The following CSMD3 variants were observed in gnomAD, a reference collection of about 807,000 sequenced individuals.
CSMD3 encodes the protein CUB and sushi domain-containing protein 3.
CSMD3 carries 177 observed loss-of-function variants against 435.2 expected under a neutral mutation model. That is an observed-to-expected ratio of 0.41 (90% CI 0.36 to 0.46). CSMD3 has a LOEUF of 0.46. CSMD3 is among the 20% of genes least tolerant of loss of function. The pLI is 0.34. For synonymous variants in CSMD3, 1,656 were observed against 1,520.5 expected, an observed-to-expected ratio of 1.09 and a Z score of -2.07; for missense variants, 4,265 against 4,504.6, an observed-to-expected ratio of 0.95 and a Z score of 1.52.
At chr8:113,208,828 A>G (rs72687643) in intron 3 of CSMD3, among the ~76,000 whole-genome samples, 14,568 of 152,134 alleles carry the variant, frequency 0.096, 906 homozygotes, top group Middle Eastern at 0.16. Flanking sequence ...ATATGTGTGT[A>G]TATGTATATT....
chr8:113,237,173 T>G (rs1159865702), intron 3 of CSMD3, among the ~76,000 whole-genome samples: 2 of 152,200 alleles, frequency 1.3e-5, no homozygotes, highest in East Asian at 3.9e-4. Context: ...CATTTTTAAG[T>G]GACTTTTACA....
At chr8:113,338,431 A>G (rs2094093446) in intron 1 of CSMD3, among the ~76,000 whole-genome samples, 1 of 151,978 alleles carries the variant, frequency 6.6e-6, no homozygotes, top group African/African-American at 2.4e-5. Context: ...CTACTTGCAT[A>G]CGAATGTTCA....
chr8:112,732,162 A>G (rs1156653814), intron 13 of CSMD3, among the ~76,000 whole-genome samples: 1 of 152,084 alleles, frequency 6.6e-6, no homozygotes, highest in Admixed American at 6.6e-5. Flanking sequence ...ATACTCAGCT[A>G]TACTCTAGAG....
chr8:112,635,861 A>G (rs528234594), intron 22 of CSMD3, among the ~76,000 whole-genome samples: 1 of 152,260 alleles, frequency 6.6e-6, no homozygotes, highest in African/African-American at 2.4e-5. Flanking sequence ...AGTAAAGAGC[A>G]GGGGCTTAAA....
At chr8:113,156,823 C>T (rs985463742) in intron 4 of CSMD3, among the ~76,000 whole-genome samples, 13 of 151,502 alleles carry the variant, frequency 8.6e-5, no homozygotes, top group African/African-American at 1.7e-4. Context: ...CCTAGATATT[C>T]GGGAGGCTGA....
At chr8:113,169,734 G>T in intron 4 of CSMD3, among the ~76,000 whole-genome samples, 1 of 152,018 alleles carries the variant, frequency 6.6e-6, no homozygotes, top group East Asian at 1.9e-4. Flanking sequence ...ATGAATTTTG[G>T]AATTGTTAAC....
At chr8:112,548,234 C>T (rs1449770577) in intron 27 of CSMD3, among the ~76,000 whole-genome samples, 2 of 152,130 alleles carry the variant, frequency 1.3e-5, no homozygotes, top group East Asian at 1.9e-4. Flanking sequence ...TCCGGCTTTC[C>T]TCCATTTCTT....
At chr8:112,341,777 A>C in intron 41 of CSMD3, 91 bp from the exon 42 acceptor site, 1 of 855,628 alleles carries the variant, frequency 1.2e-6, no homozygotes, top group Non-Finnish European at 1.9e-6. Flanking sequence ...ATGTACTTAG[A>C]TAAGTTTGCA....
chr8:113,076,025 A>C (rs2089320425), intron 5 of CSMD3, among the ~76,000 whole-genome samples: 1 of 151,864 alleles, frequency 6.6e-6, no homozygotes, highest in South Asian at 2.1e-4. Context: ...CCTACTGAGT[A>C]GTTTCACTAA....
chr8:112,442,132 G>A (rs747088609), intron 32 of CSMD3, among the ~76,000 whole-genome samples: 1 of 152,154 alleles, frequency 6.6e-6, no homozygotes, highest in Non-Finnish European at 1.5e-5. Flanking sequence ...GGCAAGAGAA[G>A]GAGCAAGAGA....
rs533487459 is a variant in CSMD3 at position 112,542,181 on chromosome 8, G to C, written c.4564+8490C>G. ...ACATTATAAAGGCCATATATCAAAA[G>C]ACCACAGCTAACATCATACTGTCTG... On this transcript the variant is annotated intron_variant, in intron 27 of 70. Transcript: ENST00000297405. Among the ~76,000 whole-genome samples the C allele has an allele frequency of 5.4e-5, 8 of 148,380 alleles. No individual in the cohort carries two copies. In the East Asian group the frequency reaches 1.6e-3, roughly 30 times the overall value.
intron 13 of CSMD3, among the ~76,000 whole-genome samples, chr8:112,759,326 G>A (rs766585312): frequency 6.6e-6 from 1 of 152,080 alleles, no homozygotes; most frequent in Non-Finnish European, 1.5e-5. Context: ...AGAAGAGTTA[G>A]TGATATTATC....
intron 6 of CSMD3, among the ~76,000 whole-genome samples, chr8:112,978,749 T>C (rs1767607538): frequency 6.6e-6 from 1 of 151,950 alleles, no homozygotes; most frequent in Non-Finnish European, 1.5e-5. Context: ...ATATATTGTG[T>C]TCATATTCTT....
intron 32 of CSMD3, among the ~76,000 whole-genome samples, chr8:112,467,678 G>A (rs978294332): frequency 1.3e-5 from 2 of 152,032 alleles, no homozygotes; most frequent in Admixed American, 1.3e-4. Flanking sequence ...GGAGTAGAGT[G>A]GGCCCTAAAT....
intron 27 of CSMD3, among the ~76,000 whole-genome samples, chr8:112,525,388 C>A (rs1321985257): frequency 6.7e-6 from 1 of 149,408 alleles, no homozygotes; most frequent in Admixed American, 6.7e-5. Flanking sequence ...TAACTTTATT[C>A]TATCCCAGAA....
intron 63 of CSMD3, among the ~76,000 whole-genome samples, chr8:112,251,636 A>T (rs1201886930): frequency 6.6e-6 from 1 of 151,826 alleles, no homozygotes; most frequent in Non-Finnish European, 1.5e-5. Context: ...ATATATAATC[A>T]CTATGGTTAG....
At chr8:113,190,719 C>T (rs2092572595) in intron 3 of CSMD3, among the ~76,000 whole-genome samples, 1 of 151,448 alleles carries the variant, frequency 6.6e-6, no homozygotes. Flanking sequence ...CTTTGATCCC[C>T]TGCGACTTAC....
intron 32 of CSMD3, among the ~76,000 whole-genome samples, chr8:112,445,201 C>T (rs908766128): frequency 1.3e-5 from 2 of 152,050 alleles, no homozygotes; most frequent in African/African-American, 4.8e-5. Flanking sequence ...CAAGATTGCA[C>T]CACCGCACTC....
intron 7 of CSMD3, among the ~76,000 whole-genome samples, chr8:112,963,402 C>A (rs1394315249): frequency 1.3e-5 from 2 of 151,892 alleles, no homozygotes. Context: ...ACCTCTGGTA[C>A]ATGGAAATTA....
Sources: gnomAD v4.1 joint callset for allele counts (sites outside exome capture counted in the v4.1 genomes callset) on GRCh38, gnomAD v4.1.1 for gene constraint, MANE v1.5 for transcripts, NCBI Gene and HGNC (gene_info 2026-07-23, HGNC 2026-07-21) for gene names.